The following SOX5 variants were observed in gnomAD, a reference collection of about 807,000 sequenced individuals.
The protein encoded by SOX5 is SRY-box transcription factor 5.
A neutral mutation model predicts 92.0 loss-of-function variants in SOX5; 9 were observed. The ratio of observed to expected loss-of-function variants is 0.10; its 90% CI spans 0.06 to 0.17. SOX5 has a LOEUF of 0.17. Ranked by LOEUF, SOX5 falls within the 10% of genes least tolerant of loss-of-function variation. SOX5 has a pLI of 1.00. For missense variants in SOX5, 642 were observed against 944.5 expected (o/e 0.68, Z 4.20); for synonymous variants, 344 against 336.3 (o/e 1.02, Z -0.25).
intron 3 of SOX5, among the ~76,000 whole-genome samples, chr12:23,758,084 C>T (rs889487933): frequency 1.0e-4 from 13 of 126,068 alleles, no homozygotes; most frequent in African/African-American, 3.9e-4. Context: ...AAATCAGAAA[C>T]ATATCTAAAT....
chr12:23,638,141 C>T (rs1364475271), intron 8 of SOX5: 1 of 152,142 alleles, frequency 6.6e-6, no homozygotes, highest in Non-Finnish European at 1.5e-5. Context: ...CCAAGAAAAG[C>T]TGTTCAATAC....
rs74068403 is a variant in SOX5, at chr12:24,144,235, C to A, written c.-2+69108G>T. Among the ~76,000 whole-genome samples, 325 of 152,086 alleles carry A rather than the reference C, an allele frequency of 2.1e-3. 1 individual carries two copies. The highest frequency in any genetic ancestry group is 7.6e-3 in the African/African-American group (315 of 41,508). ...CCTTGGAAAAGTTAGATATAAAATA[C>A]AAAATGCAAATACAAAAGCTGAATG... is the stretch of plus-strand genomic sequence containing the variant. On this transcript the variant is annotated intron_variant, in intron 4 of 4. Coordinates refer to the SOX5 transcript ENST00000446891.
intron 5 of SOX5, among the ~76,000 whole-genome samples, chr12:23,740,559 T>C (rs1196128648): frequency 1.3e-5 from 2 of 152,230 alleles, no homozygotes; most frequent in Non-Finnish European, 2.9e-5. Context: ...AAAATGCTTC[T>C]TGTTGAAAAT....
At chr12:24,449,531 T>C (rs1000460486) in intron 1 of SOX5, among the ~76,000 whole-genome samples, 2 of 152,242 alleles carry the variant, frequency 1.3e-5, no homozygotes, top group Non-Finnish European at 2.9e-5. Flanking sequence ...GACATTTTCA[T>C]GTCGCTTTGT....
chr12:23,832,140 T>G (rs140886462), intron 3 of SOX5, among the ~76,000 whole-genome samples: 1 of 152,044 alleles, frequency 6.6e-6, no homozygotes, highest in Non-Finnish European at 1.5e-5. Flanking sequence ...CATATTCACA[T>G]TTACTGTGGA....
At chr12:23,950,169 A>T (rs924729342), upstream of SOX5, among the ~76,000 whole-genome samples, 1 of 152,062 alleles carries the variant, frequency 6.6e-6, no homozygotes, top group Non-Finnish European at 1.5e-5. Context: ...ATTAAGCAAA[A>T]AATTTAATGT....
intron 4 of SOX5, 132 bp from the exon 5 acceptor site, chr12:23,741,171 CT>C: frequency 1.8e-6 from 1 of 559,986 alleles, no homozygotes; most frequent in Non-Finnish European, 2.8e-6. Flanking sequence ...TACCTACCTT[CT>C]TTTACATTTT....
rs532635513 is a variant in SOX5 at position 24,021,482 on chromosome 12, C to T, written c.-1-125458G>A. 6.6e-5 allele frequency among the ~76,000 whole-genome samples: 10 copies of T among 152,274 alleles called. No homozygotes were observed. The East Asian group carries it at 1.9e-3, about 29-fold the overall frequency. ...GCATTAACGCTTTTCACCTTGTCCA[C>T]ACCAACGAGCTATTAATGGTAAACT... On this transcript the variant is annotated intron_variant, in intron 4 of 4. Transcript: ENST00000446891.
chr12:24,189,128 A>T (rs1956282179), intron 4 of SOX5, among the ~76,000 whole-genome samples: 1 of 152,038 alleles, frequency 6.6e-6, no homozygotes, highest in Non-Finnish European at 1.5e-5. Flanking sequence ...ATTATTAGAA[A>T]CTTCCTCAGT....
At chr12:23,675,853 C>T (rs748103813) in intron 6 of SOX5, among the ~76,000 whole-genome samples, 3 of 152,182 alleles carry the variant, frequency 2.0e-5, no homozygotes, top group African/African-American at 4.8e-5. Flanking sequence ...CCTGAACAGA[C>T]ATTTTCCCAA....
At chr12:23,952,546 T>C (rs533073685), upstream of SOX5, among the ~76,000 whole-genome samples, 1 of 152,326 alleles carries the variant, frequency 6.6e-6, no homozygotes, top group Non-Finnish European at 1.5e-5. Flanking sequence ...TAGAAGAGAA[T>C]GTTAAATGGT....
intron 3 of SOX5, among the ~76,000 whole-genome samples, chr12:24,260,495 C>T (rs1330561943): frequency 6.6e-6 from 1 of 152,192 alleles, no homozygotes; most frequent in African/African-American, 2.4e-5. Flanking sequence ...ATACCTATTG[C>T]TAACCAATAC....
At chr12:24,222,347 G>A (rs1445572509) in intron 3 of SOX5, among the ~76,000 whole-genome samples, 6 of 152,222 alleles carry the variant, frequency 3.9e-5, no homozygotes, top group East Asian at 3.9e-4. Flanking sequence ...GGTTTATTTT[G>A]TCTTGGGCCA....
chr12:23,794,023 C>T lies in SOX5; in HGVS notation c.482-38299G>A, dbSNP rs534505961. ...ACAGATAAACCTACAAAGATGTATACAGTTTTTCTTTATAATCCATCATTG... is the reference window on the plus strand; with the variant it reads ...ACAGATAAACCTACAAAGATGTATATAGTTTTTCTTTATAATCCATCATTG... On this transcript the variant is annotated intron_variant, in intron 3 of 14. Transcript: ENST00000451604. Among the ~76,000 whole-genome samples the T allele has an allele frequency of 2.0e-5, 3 of 152,208 alleles. No individual in the cohort carries two copies. The East Asian group carries it at 5.8e-4, about 29-fold the overall frequency.
intron 3 of SOX5, among the ~76,000 whole-genome samples, chr12:24,225,790 C>T (rs2728846): frequency 0.49 from 74,883 of 151,578 alleles, 18,928 homozygotes; most frequent in East Asian, 0.73. Context: ...CCCCTCTTCC[C>T]AGAATATATA....
intron 2 of SOX5, among the ~76,000 whole-genome samples, chr12:24,322,183 T>G (rs191811559): frequency 6.6e-6 from 1 of 152,158 alleles, no homozygotes; most frequent in African/African-American, 2.4e-5. Flanking sequence ...ATTTTAGGAA[T>G]CTCATTCATG....
chr12:23,617,614 A>G (rs184583376), intron 8 of SOX5, among the ~76,000 whole-genome samples: 1 of 152,296 alleles, frequency 6.6e-6, no homozygotes, highest in Non-Finnish European at 1.5e-5. Flanking sequence ...GCTAAAAATT[A>G]AAGATACATT....
intron 6 of SOX5, among the ~76,000 whole-genome samples, chr12:23,705,012 G>C (rs776560893): frequency 6.6e-6 from 1 of 151,394 alleles, no homozygotes; most frequent in East Asian, 1.9e-4. Flanking sequence ...TACCTTAAAC[G>C]TTCTATCTAT....
chr12:23,899,555 A>G (rs957081621), intron 1 of SOX5, among the ~76,000 whole-genome samples: 12 of 152,080 alleles, frequency 7.9e-5, no homozygotes, highest in Admixed American at 7.2e-4. Flanking sequence ...GATGATTTTT[A>G]TCACTTCTGT....
Sources: gnomAD v4.1 joint callset for allele counts (sites outside exome capture counted in the v4.1 genomes callset) on GRCh38, gnomAD v4.1.1 for gene constraint, MANE v1.5 for transcripts, NCBI Gene and HGNC (gene_info 2026-07-23, HGNC 2026-07-21) for gene names.